The following PDE7A variants were observed in gnomAD, a reference collection of about 807,000 sequenced individuals.
PDE7A encodes phosphodiesterase 7A, also known as high affinity 3',5'-cyclic-AMP phosphodiesterase 7A.
PDE7A carries 39 observed loss-of-function variants against 64.3 expected under a neutral mutation model. The observed-to-expected ratio is 0.61, with a 90% CI of 0.47 to 0.79. The LOEUF is 0.79. PDE7A is among the 30% of genes least tolerant of loss of function. PDE7A has a pLI of 0.00. For missense variants in PDE7A, 470 were observed against 582.8 expected (o/e 0.81, Z 1.99); for synonymous variants, 203 against 206.8 (o/e 0.98, Z 0.16).
In PDE7A at chr8:65,783,177, C is replaced by T. The variant is rs180692833; in HGVS notation, c.139-334G>A. On this transcript the variant is annotated intron_variant, in intron 1 of 12. Coordinates refer to ENST00000401827, the MANE Select transcript of PDE7A (RefSeq NM_001242318.3). ...CTCAAAAGGGATCGATAGGAGTTGC[C>T]AAATATTAATAGAAAAGAAAGGAAA... Among the ~76,000 whole-genome samples the T allele has an allele frequency of 3.2e-3, 485 of 152,216 alleles. 10 individuals are homozygous for T. The highest frequency in any genetic ancestry group is 0.03 in the Admixed American group (456 of 15,290).
At position 65,782,772 on chromosome 8, in the gene PDE7A, A is replaced by G; in HGVS notation, c.199+11T>C. ...ATTAACTGATATTGGTATAAAATAA[A>G]TAATGCTTACCTAGCATACGAATGT... On this transcript the variant is annotated intron_variant, in intron 2 of 12. Transcript: ENST00000401827. 1 of 1,497,322 alleles carries G rather than the reference A, an allele frequency of 6.7e-7. No homozygotes were observed. The highest frequency in any genetic ancestry group is 9.2e-7 in the Non-Finnish European group (1 of 1,081,224). The allele number at this position is 1,497,322 out of a possible 1,614,324, so 92.8% of individuals were successfully genotyped here.
rs1179431555 is a variant in PDE7A at position 65,730,171 on chromosome 8, C to CTTTTTTTTTTTTTTT, written c.697-2885_697-2871dup. Among the ~76,000 whole-genome samples, 60 of 86,438 alleles carry CTTTTTTTTTTTTTTT rather than the reference C, an allele frequency of 6.9e-4. 8 individuals carry two copies. Among genetic ancestry groups the CTTTTTTTTTTTTTTT allele is most frequent in the African/African-American group, 1.1e-3 (23 of 20,928 alleles). 56.7% of individuals were successfully genotyped at this position (86,438 alleles called of 152,430 possible). A position where few individuals can be genotyped will look rare whatever the true frequency, so the allele number is the denominator to read the frequency against. ...TGTGAGGGATCCAGGTTGCGCACTTCTTTTTTTTTTTTTTTTTTTTTTTTT... is the reference window on the plus strand; with the variant it reads ...TGTGAGGGATCCAGGTTGCGCACTTCTTTTTTTTTTTTTTTTTTTTTTTTTTTTTTTTTTTTTTTT... On this transcript the variant is annotated intron_variant, in intron 7 of 12. Transcript: ENST00000401827.
intron 3 of PDE7A, among the ~76,000 whole-genome samples, chr8:65,761,858 G>A (rs1455718987): frequency 2.0e-5 from 3 of 152,168 alleles, no homozygotes; most frequent in Non-Finnish European, 4.4e-5. Context: ...GGAAACAAGC[G>A]CTGAAGAACC....
At chr8:65,733,624 G>GA (rs1188600241) in intron 7 of PDE7A, among the ~76,000 whole-genome samples, 42 of 149,452 alleles carry the variant, frequency 2.8e-4, no homozygotes, top group African/African-American at 4.4e-4. Flanking sequence ...GTCTCTTAGA[G>GA]AAAAAAAAAC....
intron 1 of PDE7A, among the ~76,000 whole-genome samples, chr8:65,796,197 A>C (rs1212971619): frequency 6.6e-6 from 1 of 152,098 alleles, no homozygotes. Flanking sequence ...TGGAGTAATT[A>C]GACTCCAAAA....
chr8:65,796,556 C>T (rs1321026632), intron 1 of PDE7A, among the ~76,000 whole-genome samples: 1 of 151,994 alleles, frequency 6.6e-6, no homozygotes, highest in African/African-American at 2.4e-5. Context: ...ATTCAAAAAA[C>T]AATAAATGTA....
intron 1 of PDE7A, among the ~76,000 whole-genome samples, chr8:65,826,029 C>T (rs1203650205): frequency 6.6e-6 from 1 of 152,134 alleles, no homozygotes; most frequent in Non-Finnish European, 1.5e-5. Flanking sequence ...ACTTGAATGA[C>T]ATGGAGCCAT....
chr8:65,835,475 A>T (rs1165418188), intron 1 of PDE7A, among the ~76,000 whole-genome samples: 1 of 152,220 alleles, frequency 6.6e-6, no homozygotes, highest in African/African-American at 2.4e-5. Flanking sequence ...TTAGACAAAA[A>T]TGAGACAGAA....
chr8:65,757,947 T>C (rs770952149), intron 3 of PDE7A, among the ~76,000 whole-genome samples: 2 of 152,194 alleles, frequency 1.3e-5, no homozygotes, highest in African/African-American at 2.4e-5. Context: ...AATATTTGAT[T>C]TCCCTCAATT....
chr8:65,770,672 C>T (rs1362231381), intron 3 of PDE7A, among the ~76,000 whole-genome samples: 2 of 152,206 alleles, frequency 1.3e-5, no homozygotes, highest in Non-Finnish European at 1.5e-5. Flanking sequence ...TGTCTTTGCA[C>T]ATACATTAAC....
intron 1 of PDE7A, among the ~76,000 whole-genome samples, chr8:65,790,721 A>G (rs116332483): frequency 0.016 from 2,497 of 152,360 alleles, 67 homozygotes; most frequent in African/African-American, 0.057. Flanking sequence ...CTAACAAGTT[A>G]TAATACTCAT....
chr8:65,783,031 A>G (rs1809459882), intron 1 of PDE7A, among the ~76,000 whole-genome samples, 188 bp from the exon 2 acceptor site: 1 of 152,222 alleles, frequency 6.6e-6, no homozygotes, highest in South Asian at 2.1e-4. Context: ...AATAATTGTA[A>G]TACAGTATGG....
At chr8:65,776,225 T>G (rs978101994) in intron 3 of PDE7A, among the ~76,000 whole-genome samples, 1 of 152,200 alleles carries the variant, frequency 6.6e-6, no homozygotes, top group African/African-American at 2.4e-5. Context: ...TTATTTATCT[T>G]CTACCTACTT....
chr8:65,749,358 CAAAT>C (rs1807828550), intron 3 of PDE7A, among the ~76,000 whole-genome samples: 1 of 152,136 alleles, frequency 6.6e-6, no homozygotes, highest in African/African-American at 2.4e-5. Context: ...CCCATACACA[CAAAT>C]AAACAGAAGT....
At chr8:65,720,631 C>T (rs1158687591) in intron 12 of PDE7A, 1 of 152,760 alleles carries the variant, frequency 6.5e-6, no homozygotes, top group Non-Finnish European at 1.5e-5. Flanking sequence ...TGATCCATTC[C>T]CTCCACACGT....
At position 65,779,731 on chromosome 8, in the gene PDE7A, C is replaced by G. The variant is rs568009735; in HGVS notation, c.272G>C (p.Arg91Pro). The G allele has an allele frequency of 5.1e-6, 8 of 1,560,664 alleles. No homozygotes were observed. In the East Asian group the frequency reaches 1.9e-4, roughly 37 times the overall value. Residue 91 changes from arginine (R) to proline (P), a missense_variant, in exon 3 of 13, where the codon CGT (arginine) becomes CCT (proline). Arg to Pro is a moderately radical substitution (Grantham distance 103). Coordinates refer to ENST00000401827, the MANE Select transcript of PDE7A (RefSeq NM_001242318.3). ...RRGSHPYIDF[R>P]IFHSQSEIEV... is the part of the protein sequence containing the mutation. ...CTACCAACACTTACAGTGGAAAATA[C>G]GAAAATCAATATATGGGTGAGAACC...
intron 1 of PDE7A, among the ~76,000 whole-genome samples, chr8:65,826,229 G>C (rs569335615): frequency 6.6e-6 from 1 of 152,322 alleles, no homozygotes; most frequent in South Asian, 2.1e-4. Flanking sequence ...AGAACACACT[G>C]ATGTTTTCAA....
intron 3 of PDE7A, among the ~76,000 whole-genome samples, 161 bp from the exon 4 acceptor site, chr8:65,747,964 T>C (rs996426639): frequency 6.6e-6 from 1 of 152,172 alleles, no homozygotes; most frequent in Non-Finnish European, 1.5e-5. Flanking sequence ...CTATTTTATT[T>C]TATTTTTTTA....
At chr8:65,775,509 CAAG>C (rs2128922438) in intron 3 of PDE7A, among the ~76,000 whole-genome samples, 1 of 152,332 alleles carries the variant, frequency 6.6e-6, no homozygotes, top group East Asian at 1.9e-4. Context: ...CTCTTTGACC[CAAG>C]AAGTACTTAT....
Sources: gnomAD v4.1 joint callset for allele counts (sites outside exome capture counted in the v4.1 genomes callset) on GRCh38, gnomAD v4.1.1 for gene constraint, MANE v1.5 for transcripts, NCBI Gene and HGNC (gene_info 2026-07-23, HGNC 2026-07-21) for gene names.